The following ZWILCH variants were observed in gnomAD, a reference collection of about 807,000 sequenced individuals.
ZWILCH encodes zwilch kinetochore protein, also known as protein zwilch homolog.
In ZWILCH, 74 loss-of-function variants were observed where a neutral mutation model predicts 79.9. That is an observed-to-expected ratio of 0.93 (90% CI 0.77 to 1.12). The LOEUF (loss-of-function observed/expected upper bound fraction) is 1.12. ZWILCH is among the 50% of genes most tolerant of loss of function. ZWILCH has a pLI of 0.00. For missense variants in ZWILCH, 694 were observed against 687.5 expected (o/e 1.01, Z -0.11); for synonymous variants, 241 against 228.2 (o/e 1.06, Z -0.51).
At chr15:66,530,549 A>C (rs898886236) in intron 12 of ZWILCH, among the ~76,000 whole-genome samples, 4 of 152,204 alleles carry the variant, frequency 2.6e-5, no homozygotes, top group Non-Finnish European at 5.9e-5. Flanking sequence ...AGGCAGGAGA[A>C]TTGCTTGAAC....
chr15:66,536,569 A>G (rs1895022090), intron 15 of ZWILCH, among the ~76,000 whole-genome samples: 1 of 152,174 alleles, frequency 6.6e-6, no homozygotes, highest in Admixed American at 6.5e-5. Flanking sequence ...CTGGTATCTT[A>G]TGTGTATTTG....
chr15:66,529,105 C>A, intron 11 of ZWILCH, 148 bp downstream of exon 11: 1 of 634,606 alleles, frequency 1.6e-6, no homozygotes, highest in Non-Finnish European at 2.7e-6. Flanking sequence ...CACATTGGTG[C>A]ATTCTGCTTA....
At position 66,549,271 on chromosome 15, in the gene ZWILCH, A is replaced by C. The variant is rs1895502470; in HGVS notation, c.*947A>C. ...ATTTCAACCTTGTTTATTTTAGTTTAATGGAATATACATTCTTAGTATTGC... is the reference window on the plus strand; with the variant it reads ...ATTTCAACCTTGTTTATTTTAGTTTCATGGAATATACATTCTTAGTATTGC... On this transcript the variant is annotated 3_prime_UTR_variant, in exon 19 of 19. Coordinates refer to ENST00000307897, the MANE Select transcript of ZWILCH (RefSeq NM_017975.5). 1 of 152,168 alleles carries C rather than the reference A, an allele frequency of 6.6e-6. No individual in the cohort carries two copies. Among genetic ancestry groups the C allele is most frequent in the Non-Finnish European group, 1.5e-5 (1 of 68,032 alleles). 9.4% of individuals were successfully genotyped at this position (152,168 alleles called of 1,614,324 possible).
chr15:66,536,051 T>G lies in ZWILCH; in HGVS notation c.1460T>G (p.Leu487Arg). The G allele has an allele frequency of 6.2e-7, 1 of 1,606,586 alleles. No homozygotes were observed. Among genetic ancestry groups the G allele is most frequent in the African/African-American group, 1.3e-5 (1 of 74,648 alleles). Residue 487 changes from leucine (L) to arginine (R), a missense_variant, in exon 15 of 19, where the codon CTC becomes CGC. Physicochemically the swap from Leu to Arg is moderately radical, Grantham distance 102 (BLOSUM62 -2). Coordinates refer to ENST00000307897, the MANE Select transcript of ZWILCH (RefSeq NM_017975.5). ...CCTTTCATTAAATCTCAACATGAAC[T>G]CCTCTTTTCTTTAACACAGTAAGTA... Reference protein sequence around the residue: ...CMPFIKSQHELLFSLTQICIK... With the variant: ...CMPFIKSQHERLFSLTQICIK...
chr15:66,525,501 C>T (rs984921154), intron 8 of ZWILCH, among the ~76,000 whole-genome samples: 8 of 152,128 alleles, frequency 5.3e-5, no homozygotes, highest in African/African-American at 1.9e-4. Flanking sequence ...CAATTCTTTT[C>T]CTCCTTTGAA....
rs1378606722 is a variant in ZWILCH at position 66,518,993 on chromosome 15, T to A, written c.435T>A (p.Pro145=). The change falls in exon 5 of 19, where the codon CCT becomes CCA. Residue 145 remains proline, a synonymous_variant. Transcript: ENST00000307897. The part of the protein sequence containing the change: ...PLWVRCDSSD[P]EGTCWLGAEL... The stretch of plus-strand genomic sequence containing the variant: ...GGGTAAGATGTGACAGTTCAGATCC[T>A]GAAGGTACTTGTTGGCTAGGAGCTG... 6.2e-7 allele frequency: 1 copy of A among 1,614,246 alleles called. No individual in the cohort carries two copies. Among genetic ancestry groups the A allele is most frequent in the Non-Finnish European group, 8.5e-7 (1 of 1,180,034 alleles).
At chr15:66,544,724 T>TTTTGTGTGTGTG (rs145952622) in intron 17 of ZWILCH, among the ~76,000 whole-genome samples, 5,828 of 128,466 alleles carry the variant, frequency 0.045, 147 homozygotes, top group Non-Finnish European at 0.055. Flanking sequence ...TTTTTGGTTT[T>TTTTGTGTGTGTG]TGTGTGTGTG....
chr15:66,509,659 C>G (rs12903767), intron 2 of ZWILCH, among the ~76,000 whole-genome samples: 133,051 of 151,438 alleles, frequency 0.88, 58,549 homozygotes, highest in East Asian at 0.93. Context: ...TATGTGCTGA[C>G]TTGTTTCATA....
At chr15:66,544,723 TTTGTGTGTGTG>T (rs1033336704) in intron 17 of ZWILCH, among the ~76,000 whole-genome samples, 4 of 114,768 alleles carry the variant, frequency 3.5e-5, no homozygotes, top group African/African-American at 6.7e-5. Flanking sequence ...TTTTTTGGTT[TTTGTGTGTGTG>T]TGTGTGTGTG....
intron 12 of ZWILCH, among the ~76,000 whole-genome samples, 177 bp downstream of exon 12, chr15:66,529,750 A>G (rs1894804004): frequency 6.6e-6 from 1 of 152,228 alleles, no homozygotes; most frequent in South Asian, 2.1e-4. Flanking sequence ...TGTAAAGTAA[A>G]GGTAAGAATA....
chr15:66,518,416 G>A (rs1894368141), intron 4 of ZWILCH, among the ~76,000 whole-genome samples: 1 of 151,450 alleles, frequency 6.6e-6, no homozygotes. Flanking sequence ...CAGTAACTGG[G>A]ACTACAGGAG....
intron 17 of ZWILCH, 106 bp downstream of exon 17, chr15:66,540,316 C>A: frequency 1.2e-6 from 1 of 808,768 alleles, no homozygotes; most frequent in Non-Finnish European, 1.9e-6. Flanking sequence ...CTTTGGGAGG[C>A]CGGGGTGGGC....
At chr15:66,531,543 C>T (rs1458573383) in intron 12 of ZWILCH, among the ~76,000 whole-genome samples, 2 of 152,106 alleles carry the variant, frequency 1.3e-5, no homozygotes, top group Non-Finnish European at 2.9e-5. Flanking sequence ...TCACTGCAGC[C>T]TCTGCCTCCC....
At chr15:66,534,156 T>C (rs1894940139) in intron 14 of ZWILCH, among the ~76,000 whole-genome samples, 1 of 152,178 alleles carries the variant, frequency 6.6e-6, no homozygotes, top group Non-Finnish European at 1.5e-5. Context: ...ACTGAATATG[T>C]GTGGATTTCT....
chr15:66,544,257 CAAAAAA>C (rs201291418), intron 17 of ZWILCH, among the ~76,000 whole-genome samples: 4 of 139,172 alleles, frequency 2.9e-5, no homozygotes, highest in South Asian at 2.2e-4. Context: ...AACTCCATCT[CAAAAAA>C]AAAAAGAAAA....
At chr15:66,528,453 G>C (rs191417704) in intron 10 of ZWILCH, among the ~76,000 whole-genome samples, 94 of 152,198 alleles carry the variant, frequency 6.2e-4, no homozygotes, top group Non-Finnish European at 1.5e-4. Context: ...ATTATTAGTT[G>C]CTCAATTGCA....
rs1405994563 is a variant in ZWILCH at position 66,520,629 on chromosome 15, A to T, written c.560A>T (p.Asn187Ile). The change falls in exon 6 of 19, where the codon AAT becomes ATT. Residue 187 changes from asparagine to isoleucine, a missense_variant. By Grantham distance (149) the Asn-to-Ile change is moderately radical (BLOSUM62 -3). Transcript: ENST00000307897. ...TCTGTAAATCTTGAAAACCTAAAAA[A>T]TTTACACAAGAAAAGACATCACTTG... ...NYSVNLENLK[N>I]LHKKRHHLST... The T allele has an allele frequency of 6.4e-7, 1 of 1,555,226 alleles. No individual in the cohort carries two copies. Among genetic ancestry groups the T allele is most frequent in the Non-Finnish European group, 8.8e-7 (1 of 1,131,864 alleles).
At chr15:66,510,462 A>G (rs953741764) in intron 2 of ZWILCH, among the ~76,000 whole-genome samples, 6 of 152,142 alleles carry the variant, frequency 3.9e-5, no homozygotes, top group Admixed American at 3.9e-4. Flanking sequence ...GTAAGTAATC[A>G]AGAAAGAAAC....
intron 14 of ZWILCH, among the ~76,000 whole-genome samples, chr15:66,534,029 C>T (rs117786781): frequency 0.012 from 1,795 of 152,064 alleles, 64 homozygotes; most frequent in East Asian, 0.074. Flanking sequence ...TCACTTGAGC[C>T]GGGGAAGTTG....
Sources: allele counts gnomAD v4.1 joint callset (sites outside exome capture counted in the v4.1 genomes callset), GRCh38; gene constraint gnomAD v4.1.1; transcripts MANE v1.5; gene names NCBI Gene and HGNC (gene_info 2026-07-23, HGNC 2026-07-21).